The following PLPPR1 variants were observed in gnomAD, a reference collection of about 807,000 sequenced individuals.
PLPPR1 encodes the protein phospholipid phosphatase related 1.
A neutral mutation model predicts 33.1 loss-of-function variants in PLPPR1; 10 were observed. That is an observed-to-expected ratio of 0.30 (90% CI 0.19 to 0.51). PLPPR1 has a LOEUF of 0.51. Among genes scored for constraint, PLPPR1 ranks in the 20% least tolerant of loss-of-function variants. PLPPR1 has a pLI of 0.97. For missense variants in PLPPR1, 304 were observed against 408.1 expected (o/e 0.74, Z 2.20); for synonymous variants, 151 against 151.0 (o/e 1.00, Z 0.00).
chr9:101,064,055 C>A lies in PLPPR1; in HGVS notation c.-46+34953C>A, dbSNP rs151304596. Among the ~76,000 whole-genome samples the A allele has an allele frequency of 8.1e-3, 1,230 of 152,196 alleles. 16 individuals are homozygous for A. Among genetic ancestry groups the A allele is most frequent in the African/African-American group, 0.028 (1,168 of 41,544 alleles). ...ATAATTGTAGTATTAAACTAAAACA[C>A]CATTACCATTAATATAAATTTATAG... is the stretch of plus-strand genomic sequence containing the variant. On this transcript the variant is annotated intron_variant, in intron 1 of 7. Coordinates refer to ENST00000374874, the MANE Select transcript of PLPPR1 (RefSeq NM_207299.2).
At chr9:101,201,704 A>C (rs1251924005) in intron 2 of PLPPR1, among the ~76,000 whole-genome samples, 1 of 152,228 alleles carries the variant, frequency 6.6e-6, no homozygotes, top group Admixed American at 6.5e-5. Flanking sequence ...GCAAATATGA[A>C]AAAGCTAGCC....
chr9:101,137,656 C>A (rs1482829377), intron 1 of PLPPR1, among the ~76,000 whole-genome samples: 3 of 152,168 alleles, frequency 2.0e-5, no homozygotes, highest in Non-Finnish European at 4.4e-5. Context: ...CTGGGGTGAA[C>A]TGCTCAAGAA....
chr9:101,282,395 G>A (rs1165364473), intron 3 of PLPPR1, among the ~76,000 whole-genome samples: 1 of 152,044 alleles, frequency 6.6e-6, no homozygotes, highest in Admixed American at 6.6e-5. Flanking sequence ...AACAAATTAG[G>A]TATAAAGAAA....
chr9:101,279,384 G>A (rs1828254580), intron 3 of PLPPR1, among the ~76,000 whole-genome samples: 1 of 152,140 alleles, frequency 6.6e-6, no homozygotes, highest in South Asian at 2.1e-4. Flanking sequence ...AAAATAGCTG[G>A]TGATTTCAAC....
intron 3 of PLPPR1, among the ~76,000 whole-genome samples, chr9:101,273,623 C>G (rs1010863981): frequency 6.6e-6 from 1 of 152,106 alleles, no homozygotes; most frequent in Non-Finnish European, 1.5e-5. Flanking sequence ...TAAGAAGATA[C>G]ATTGTGGATG....
chr9:101,086,453 A>G (rs926991569), intron 1 of PLPPR1, among the ~76,000 whole-genome samples: 15 of 151,270 alleles, frequency 9.9e-5, no homozygotes, highest in African/African-American at 1.7e-4. Flanking sequence ...TCAGTAACCA[A>G]ATGTGGTCTA....
chr9:101,229,271 T>C (rs1827135045), intron 2 of PLPPR1, among the ~76,000 whole-genome samples: 1 of 152,172 alleles, frequency 6.6e-6, no homozygotes. Flanking sequence ...TTTATCATTT[T>C]GCATCTTATT....
intron 1 of PLPPR1, among the ~76,000 whole-genome samples, chr9:101,057,481 G>A (rs967793832): frequency 2.0e-5 from 3 of 152,016 alleles, no homozygotes; most frequent in Non-Finnish European, 4.4e-5. Context: ...ATTTTTAACT[G>A]TTATATATTA....
chr9:101,204,794 T>G (rs1826558711), intron 2 of PLPPR1, among the ~76,000 whole-genome samples: 1 of 152,128 alleles, frequency 6.6e-6, no homozygotes, highest in Non-Finnish European at 1.5e-5. Flanking sequence ...TGAGAACATT[T>G]AGGTATATGA....
chr9:101,145,420 C>CA (rs772689187), intron 1 of PLPPR1, among the ~76,000 whole-genome samples: 11 of 152,102 alleles, frequency 7.2e-5, no homozygotes, highest in Non-Finnish European at 1.6e-4. Flanking sequence ...TTGCTCTTGT[C>CA]ACTGAGACTG....
intron 1 of PLPPR1, among the ~76,000 whole-genome samples, chr9:101,134,665 G>T (rs2567307): frequency 0.72 from 109,887 of 152,080 alleles, 40,077 homozygotes; most frequent in African/African-American, 0.75. Context: ...ATTACAGGCA[G>T]GAGCCACCAC....
intron 1 of PLPPR1, among the ~76,000 whole-genome samples, chr9:101,100,709 TG>T (rs1830887396): frequency 6.6e-6 from 1 of 151,592 alleles, no homozygotes; most frequent in Non-Finnish European, 1.5e-5. Context: ...TGTGTGTGTG[TG>T]TGTGTGTGTG....
intron 2 of PLPPR1, among the ~76,000 whole-genome samples, chr9:101,199,508 C>T (rs1256836749): frequency 6.6e-6 from 1 of 152,184 alleles, no homozygotes; most frequent in Non-Finnish European, 1.5e-5. Context: ...TGCGGTCACT[C>T]TAGCATAAGG....
chr9:101,093,882 T>A (rs1445717038), intron 1 of PLPPR1, among the ~76,000 whole-genome samples: 1 of 152,184 alleles, frequency 6.6e-6, no homozygotes, highest in African/African-American at 2.4e-5. Context: ...AATGCAACAT[T>A]TGATTTGTAA....
chr9:101,288,425 T>G (rs1233849214), intron 4 of PLPPR1, among the ~76,000 whole-genome samples: 2 of 152,128 alleles, frequency 1.3e-5, no homozygotes, highest in African/African-American at 4.8e-5. Flanking sequence ...TAAGGTGAGT[T>G]AGAGTTCAGC....
intron 4 of PLPPR1, among the ~76,000 whole-genome samples, chr9:101,304,063 G>T (rs1363465074): frequency 6.6e-6 from 1 of 151,754 alleles, no homozygotes; most frequent in Non-Finnish European, 1.5e-5. Context: ...TTAGAATAGA[G>T]AGTGCTTTGA....
chr9:101,274,283 A>G (rs1278235988), intron 3 of PLPPR1, among the ~76,000 whole-genome samples: 2 of 152,242 alleles, frequency 1.3e-5, no homozygotes, highest in Admixed American at 6.5e-5. Flanking sequence ...TATCCTCAGA[A>G]CAGCCAAAGA....
At chr9:101,295,639 A>G (rs1368864033) in intron 4 of PLPPR1, among the ~76,000 whole-genome samples, 12 of 150,352 alleles carry the variant, frequency 8.0e-5, no homozygotes, top group Non-Finnish European at 1.5e-4. Context: ...GCCCTCAGAA[A>G]TAACGCCACA....
intron 7 of PLPPR1, among the ~76,000 whole-genome samples, chr9:101,321,564 AC>A (rs1829149677): frequency 6.6e-6 from 1 of 151,910 alleles, no homozygotes; most frequent in Admixed American, 6.6e-5. Flanking sequence ...CATGTTCTAC[AC>A]CCCGCCCCAC....
Sources: gnomAD v4.1 joint callset for allele counts (sites outside exome capture counted in the v4.1 genomes callset) on GRCh38, gnomAD v4.1.1 for gene constraint, MANE v1.5 for transcripts, NCBI Gene and HGNC (gene_info 2026-07-23, HGNC 2026-07-21) for gene names.